The following SLC12A8 variants were observed in gnomAD, a reference collection of about 807,000 sequenced individuals.
The protein encoded by SLC12A8 is cation-chloride cotransporter 9.
SLC12A8 carries 69 observed loss-of-function variants against 75.6 expected under a neutral mutation model. That is an observed-to-expected ratio of 0.91 (90% CI 0.75 to 1.11). The LOEUF (loss-of-function observed/expected upper bound fraction) is 1.11, where lower values mean the gene tolerates loss of function less well. Ranked by LOEUF, SLC12A8 falls within the 50% of genes most tolerant of loss-of-function variation. The pLI is 0.00. For missense variants in SLC12A8, 877 were observed against 896.7 expected, an observed-to-expected ratio of 0.98 and a Z score of 0.28; for synonymous variants, 365 against 372.8, an observed-to-expected ratio of 0.98 and a Z score of 0.24.
Position 125,120,585 on chromosome 3 carries a change from T to C in SLC12A8, c.824+14A>G. 1 of 1,600,028 alleles carries C rather than the reference T, an allele frequency of 6.2e-7. No homozygotes were observed. The highest frequency in any genetic ancestry group is 8.6e-7 in the Non-Finnish European group (1 of 1,168,008). On this transcript the variant is annotated intron_variant, in intron 7 of 13. Coordinates refer to ENST00000469902, the MANE Select transcript of SLC12A8 (RefSeq NM_024628.6). ...ACTCTCTAGCTCAGACTGATTGCCA[T>C]GAGGGGAACTTACGAGATGCCAACA...
intron 6 of SLC12A8, among the ~76,000 whole-genome samples, chr3:125,133,257 T>C (rs764502060): frequency 3.3e-5 from 5 of 152,128 alleles, no homozygotes; most frequent in Admixed American, 6.6e-5. Flanking sequence ...TAACTAACAT[T>C]CTATAAGATG....
chr3:125,193,477 C>T (rs1351912314), intron 2 of SLC12A8, among the ~76,000 whole-genome samples: 3 of 152,226 alleles, frequency 2.0e-5, no homozygotes, highest in African/African-American at 7.2e-5. Context: ...GCCCAGAGCT[C>T]GCCTCTTGGG....
At chr3:125,119,937 C>T in intron 7 of SLC12A8, 1 of 456,266 alleles carries the variant, frequency 2.2e-6, no homozygotes, top group Non-Finnish European at 4.4e-6. Flanking sequence ...AGAAATAGAC[C>T]CAAGGTTACC....
Position 125,091,433 on chromosome 3 carries a change from G to C in SLC12A8, c.1921+6C>G. 6.2e-7 allele frequency: 1 copy of C among 1,605,186 alleles called. No individual in the cohort carries two copies. The highest frequency in any genetic ancestry group is 8.5e-7 in the Non-Finnish European group (1 of 1,171,930). ...GAACCAGTGGCAAAATGGCTCTGCTGCTTACCAAGGTGAAGCCCTGGACTG... is the reference window on the plus strand; with the variant it reads ...GAACCAGTGGCAAAATGGCTCTGCTCCTTACCAAGGTGAAGCCCTGGACTG... On this transcript the variant is annotated splice_donor_region_variant and intron_variant, in intron 12 of 13. Coordinates refer to ENST00000469902, the MANE Select transcript of SLC12A8 (RefSeq NM_024628.6).
At chr3:125,096,688 G>A (rs1938719167) in intron 10 of SLC12A8, among the ~76,000 whole-genome samples, 1 of 152,192 alleles carries the variant, frequency 6.6e-6, no homozygotes, top group African/African-American at 2.4e-5. Flanking sequence ...GAAGCGCTCA[G>A]TAAAAGTCTC....
intron 9 of SLC12A8, among the ~76,000 whole-genome samples, chr3:125,109,280 G>A (rs973521465): frequency 4.6e-5 from 7 of 152,004 alleles, no homozygotes; most frequent in Non-Finnish European, 7.4e-5. Flanking sequence ...TTTGAATACC[G>A]GCATTATACT....
chr3:125,120,765 C>T lies in SLC12A8; in HGVS notation c.737-79G>A, dbSNP rs777512456. The T allele has an allele frequency of 4.8e-6, 5 of 1,034,368 alleles. No homozygotes were observed. The East Asian group carries it at 1.3e-4, about 26-fold the overall frequency. 64.1% of individuals were successfully genotyped at this position (1,034,368 alleles called of 1,614,324 possible). On this transcript the variant is annotated intron_variant, in intron 6 of 13. Coordinates refer to ENST00000469902, the MANE Select transcript of SLC12A8 (RefSeq NM_024628.6). ...TTCCCCAGGGCTGCCCCTTCCTCTC[C>T]TGCGGGACCCTCTCCTGGAAGCTGT... is the stretch of plus-strand genomic sequence containing the variant.
At chr3:125,120,308 G>A (rs1386306185) in intron 7 of SLC12A8, among the ~76,000 whole-genome samples, 1 of 151,548 alleles carries the variant, frequency 6.6e-6, no homozygotes, top group Non-Finnish European at 1.5e-5. Context: ...AATGGGGGTG[G>A]GGGAGGGACG....
chr3:125,089,274 G>A (rs1161737722), intron 12 of SLC12A8, among the ~76,000 whole-genome samples: 2 of 152,110 alleles, frequency 1.3e-5, no homozygotes, highest in Non-Finnish European at 2.9e-5. Context: ...ATTTGCAATT[G>A]CAAAGAGAAG....
chr3:125,119,054 G>T, intron 7 of SLC12A8, 198 bp from the exon 8 acceptor site: 2 of 477,206 alleles, frequency 4.2e-6, no homozygotes, highest in South Asian at 3.3e-5. Flanking sequence ...ACCAAAAAAG[G>T]GGTACCATTG....
intron 5 of SLC12A8, among the ~76,000 whole-genome samples, chr3:125,153,432 T>C (rs775582037): frequency 6.6e-6 from 1 of 152,222 alleles, no homozygotes; most frequent in South Asian, 2.1e-4. Context: ...TGCCTTGTTT[T>C]GTTACTTTCA....
At chr3:125,176,636 C>T (rs1934534610) in intron 5 of SLC12A8, among the ~76,000 whole-genome samples, 1 of 152,048 alleles carries the variant, frequency 6.6e-6, no homozygotes. Flanking sequence ...AAGAAAAAAA[C>T]AAACAACCCT....
At chr3:125,208,243 C>T (rs952523498) in intron 2 of SLC12A8, among the ~76,000 whole-genome samples, 1 of 152,196 alleles carries the variant, frequency 6.6e-6, no homozygotes, top group African/African-American at 2.4e-5. Flanking sequence ...CACACATCAT[C>T]CTCAATAGAC....
chr3:125,139,655 A>G (rs980828257), intron 5 of SLC12A8, among the ~76,000 whole-genome samples: 3 of 152,100 alleles, frequency 2.0e-5, no homozygotes, highest in African/African-American at 7.2e-5. Context: ...GCTTATGCAG[A>G]GTGGGTGCCC....
intron 1 of SLC12A8, among the ~76,000 whole-genome samples, chr3:125,212,196 C>G (rs1935349922): frequency 6.6e-6 from 1 of 151,672 alleles, no homozygotes; most frequent in Non-Finnish European, 1.5e-5. Context: ...GGAAGGCGCC[C>G]GGAGCACTGA....
At chr3:125,147,910 G>A (rs1933824660) in intron 5 of SLC12A8, among the ~76,000 whole-genome samples, 1 of 152,190 alleles carries the variant, frequency 6.6e-6, no homozygotes. Flanking sequence ...CAATGATAAT[G>A]ACAATGATTA....
intron 5 of SLC12A8, among the ~76,000 whole-genome samples, chr3:125,159,672 A>G (rs1934125825): frequency 1.3e-5 from 2 of 152,358 alleles, no homozygotes; most frequent in South Asian, 4.1e-4. Context: ...TACAGGCGTG[A>G]GCCACCAGCC....
At chr3:125,140,766 C>T (rs565264606) in intron 5 of SLC12A8, among the ~76,000 whole-genome samples, 2 of 152,080 alleles carry the variant, frequency 1.3e-5, no homozygotes, top group African/African-American at 4.8e-5. Flanking sequence ...ATCACCGAGG[C>T]TGGAGTGCAG....
In SLC12A8 at chr3:125,187,432, C is replaced by T. The variant is rs748411772; in HGVS notation, c.199-4G>A. 1.2e-6 allele frequency: 2 copies of T among 1,613,502 alleles called. No homozygotes were observed. The highest frequency in any genetic ancestry group is 1.7e-6 in the Non-Finnish European group (2 of 1,179,758). On this transcript the variant is annotated splice_region_variant and splice_polypyrimidine_tract_variant and intron_variant, in intron 3 of 13. Coordinates refer to ENST00000469902, the MANE Select transcript of SLC12A8 (RefSeq NM_024628.6). Reference sequence around the variant, plus strand: ...CCAGGAGCACTCCTGTGTTTCCCTGCAGCAGAATAGCAAGGAGCAAGGTTG... The same window carrying T: ...CCAGGAGCACTCCTGTGTTTCCCTGTAGCAGAATAGCAAGGAGCAAGGTTG...
Sources: gnomAD v4.1 joint callset for allele counts (sites outside exome capture counted in the v4.1 genomes callset) on GRCh38, gnomAD v4.1.1 for gene constraint, MANE v1.5 for transcripts, NCBI Gene and HGNC (gene_info 2026-07-23, HGNC 2026-07-21) for gene names.